The following ARHGAP6 variants were observed in gnomAD, a reference collection of about 807,000 sequenced individuals.
ARHGAP6 encodes rho GTPase-activating protein 6.
In ARHGAP6, 16 loss-of-function variants were observed where a neutral mutation model predicts 55.7. The observed-to-expected ratio is 0.29, with a 90% CI of 0.19 to 0.44. ARHGAP6 has a LOEUF of 0.44. ARHGAP6 is among the 20% of genes least tolerant of loss of function. The probability of loss-of-function intolerance (pLI) is 1.00; values close to 1 mark genes in which losing one functional copy is unlikely to be tolerated. For missense variants in ARHGAP6, 698 were observed against 808.9 expected (o/e 0.86, Z 1.66); for synonymous variants, 382 against 360.9 (o/e 1.06, Z -0.66).
chrX:11,237,982 C>T (rs1414172485), intron 2 of ARHGAP6, among the ~76,000 whole-genome samples: 1 of 111,573 alleles, frequency 9.0e-6, no homozygotes, highest in Non-Finnish European at 1.9e-5. Flanking sequence ...CCAGAGCACC[C>T]CACCACTGTT....
At chrX:11,275,087 C>A (rs892012722) in intron 1 of ARHGAP6, among the ~76,000 whole-genome samples, 1 of 111,269 alleles carries the variant, frequency 9.0e-6, no homozygotes, top group Non-Finnish European at 1.9e-5. Context: ...CCACTATGGC[C>A]GGCCTGAGAA....
chrX:11,661,091 C>T (rs754346564), intron 1 of ARHGAP6, among the ~76,000 whole-genome samples: 13 of 112,283 alleles, frequency 1.2e-4, no homozygotes, highest in Non-Finnish European at 2.1e-4. Context: ...ATATAGAAAT[C>T]ATTTTAATTA....
intron 11 of ARHGAP6, 141 bp downstream of exon 11, chrX:11,143,839 T>A: frequency 8.4e-7 from 1 of 1,185,353 alleles, no homozygotes; most frequent in Non-Finnish European, 1.1e-6. Context: ...CAGCAGGTAC[T>A]CGGTAAATGC....
chrX:11,490,009 G>A (rs1032034010), intron 1 of ARHGAP6, among the ~76,000 whole-genome samples: 3 of 111,414 alleles, frequency 2.7e-5, no homozygotes, highest in South Asian at 3.8e-4. Flanking sequence ...GGCACTGAAG[G>A]TGAAATGGAA....
intron 1 of ARHGAP6, among the ~76,000 whole-genome samples, chrX:11,369,991 A>G (rs191229553): frequency 8.9e-6 from 1 of 112,717 alleles, no homozygotes; most frequent in Admixed American, 9.4e-5. Flanking sequence ...ATTAATGCCA[A>G]TTCATAGATG....
At chrX:11,592,631 T>C (rs1310822253) in intron 1 of ARHGAP6, among the ~76,000 whole-genome samples, 2 of 111,441 alleles carry the variant, frequency 1.8e-5, no homozygotes, top group African/African-American at 6.6e-5. Context: ...AGTAATATAT[T>C]TAGTATATAC....
At chrX:11,224,622 T>C (rs1464875777) in intron 2 of ARHGAP6, among the ~76,000 whole-genome samples, 2 of 109,681 alleles carry the variant, frequency 1.8e-5, no homozygotes, top group Non-Finnish European at 3.8e-5. Context: ...GCTGAGCACA[T>C]TGATAGAGGG....
At chrX:11,493,827 CA>C (rs2050595471) in intron 1 of ARHGAP6, among the ~76,000 whole-genome samples, 1 of 96,280 alleles carries the variant, frequency 1.0e-5, no homozygotes, top group African/African-American at 3.6e-5. Context: ...CCATACAAAA[CA>C]GAATGCCTTT....
intron 1 of ARHGAP6, among the ~76,000 whole-genome samples, chrX:11,647,246 T>C (rs2052539368): frequency 8.9e-6 from 1 of 112,348 alleles, no homozygotes; most frequent in African/African-American, 3.2e-5. Context: ...GTGTTTATTC[T>C]AGCACTGTTA....
At chrX:11,178,959 C>G in intron 7 of ARHGAP6, among the ~76,000 whole-genome samples, 1 of 111,771 alleles carries the variant, frequency 8.9e-6, no homozygotes, top group Non-Finnish European at 1.9e-5. Context: ...CTCGTGGTTC[C>G]CTCCTTCTTC....
intron 1 of ARHGAP6, among the ~76,000 whole-genome samples, chrX:11,364,162 T>C (rs1250014878): frequency 9.1e-6 from 1 of 110,327 alleles, no homozygotes; most frequent in Non-Finnish European, 1.9e-5. Context: ...TTAGTACACA[T>C]GGATACAAAG....
At chrX:11,183,446 G>A (rs1391433239) in intron 5 of ARHGAP6, among the ~76,000 whole-genome samples, 2 of 111,799 alleles carry the variant, frequency 1.8e-5, no homozygotes, top group East Asian at 2.8e-4. Context: ...CAGTGCTGAG[G>A]TTGAGAAACT....
chrX:11,196,826 G>C, intron 3 of ARHGAP6, 99 bp downstream of exon 3: 1 of 527,402 alleles, frequency 1.9e-6, no homozygotes, highest in Non-Finnish European at 3.3e-6. Flanking sequence ...TTTCATAACA[G>C]AGTTGAACCA....
At chrX:11,194,014 A>C (rs1384792688) in intron 3 of ARHGAP6, among the ~76,000 whole-genome samples, 1 of 112,499 alleles carries the variant, frequency 8.9e-6, no homozygotes, top group African/African-American at 3.2e-5. Context: ...CAATATCAAT[A>C]TCATCATCCT....
chrX:11,315,995 AT>A (rs950166892), intron 1 of ARHGAP6, among the ~76,000 whole-genome samples: 1 of 111,777 alleles, frequency 8.9e-6, no homozygotes, highest in Non-Finnish European at 1.9e-5. Context: ...TAGCAACTCA[AT>A]TTTTCCAGTA....
intron 4 of ARHGAP6, among the ~76,000 whole-genome samples, chrX:11,188,386 C>G (rs774319282): frequency 8.9e-6 from 1 of 112,093 alleles, no homozygotes; most frequent in South Asian, 3.8e-4. Context: ...GCTAAAACAC[C>G]AGGCCCTGCC....
chrX:11,280,020 G>A (rs1029106919), intron 1 of ARHGAP6, among the ~76,000 whole-genome samples: 3 of 111,378 alleles, frequency 2.7e-5, no homozygotes, highest in African/African-American at 9.8e-5. Context: ...TGTCACAACT[G>A]AGGAGGAAAG....
At chrX:11,566,824 A>T (rs1389184303) in intron 1 of ARHGAP6, among the ~76,000 whole-genome samples, 1 of 112,696 alleles carries the variant, frequency 8.9e-6, no homozygotes, top group Non-Finnish European at 1.9e-5. Context: ...CAAAATTGAA[A>T]ACAAAACAAG....
chrX:11,551,190 T>C (rs1355597938), intron 1 of ARHGAP6, among the ~76,000 whole-genome samples: 1 of 111,627 alleles, frequency 9.0e-6, no homozygotes, highest in African/African-American at 3.3e-5. Flanking sequence ...CACTTTGCCA[T>C]AATGGGTAGG....
Sources: gnomAD v4.1 joint callset for allele counts (sites outside exome capture counted in the v4.1 genomes callset) on GRCh38, gnomAD v4.1.1 for gene constraint, MANE v1.5 for transcripts, NCBI Gene and HGNC (gene_info 2026-07-23, HGNC 2026-07-21) for gene names.